Variants in NCKAP1 observed in about 807,000 individuals in gnomAD.
NCKAP1 encodes the protein nck-associated protein 1.
A neutral mutation model predicts 151.2 loss-of-function variants in NCKAP1; 21 were observed. That is an observed-to-expected ratio of 0.14 (90% CI 0.10 to 0.20). The LOEUF (loss-of-function observed/expected upper bound fraction) is 0.20. NCKAP1 is among the 10% of genes least tolerant of loss of function. The pLI is 1.00. For missense variants in NCKAP1, 933 were observed against 1,352.1 expected, an observed-to-expected ratio of 0.69 and a Z score of 4.86; for synonymous variants, 484 against 451.8, an observed-to-expected ratio of 1.07 and a Z score of -0.90.
intron 24 of NCKAP1, chr2:182,935,587 C>A (rs1696856748): frequency 8.2e-6 from 3 of 365,080 alleles, no homozygotes; most frequent in African/African-American, 4.3e-5. Flanking sequence ...ACTATAGTTT[C>A]CATCAAATGG....
At position 182,914,546 on chromosome 2, in the gene NCKAP1, A is replaced by C. The variant is rs1251507359; in HGVS notation, c.*11156T>G. ...ATACTCTAGTATGCAATTTATATGA[A>C]ACCCATTACCCACTATAACCATCTT... On this transcript the variant is annotated 3_prime_UTR_variant, in exon 31 of 31. Transcript: ENST00000361354. The C allele has an allele frequency of 1.3e-5, 2 of 152,198 alleles. No individual in the cohort carries two copies. The highest frequency in any genetic ancestry group is 2.9e-5 in the Non-Finnish European group (2 of 68,034). 9.4% of individuals were successfully genotyped at this position (152,198 alleles called of 1,614,324 possible). A position where few individuals can be genotyped will look rare whatever the true frequency, so the allele number is the denominator to read the frequency against.
At chr2:182,954,064 T>C (rs1697274550) in intron 20 of NCKAP1, among the ~76,000 whole-genome samples, 2 of 152,136 alleles carry the variant, frequency 1.3e-5, no homozygotes, top group Non-Finnish European at 2.9e-5. Context: ...TACAATGTAC[T>C]TATCACTATA....
intron 2 of NCKAP1, among the ~76,000 whole-genome samples, chr2:183,017,655 G>A (rs1282749741): frequency 6.6e-6 from 1 of 152,100 alleles, no homozygotes; most frequent in East Asian, 1.9e-4. Context: ...CTGTGGCCTG[G>A]GGGTTGGGGA....
At chr2:183,014,113 T>C (rs1698638515) in intron 2 of NCKAP1, among the ~76,000 whole-genome samples, 1 of 152,220 alleles carries the variant, frequency 6.6e-6, no homozygotes, top group Non-Finnish European at 1.5e-5. Context: ...CTGTTCAACA[T>C]AATATAAGCT....
chr2:182,962,929 G>T (rs1575033514), intron 17 of NCKAP1, among the ~76,000 whole-genome samples: 1 of 151,656 alleles, frequency 6.6e-6, no homozygotes, highest in Non-Finnish European at 1.5e-5. Flanking sequence ...ATGGTAACTG[G>T]AATGTTGAGT....
At chr2:182,926,054 T>C (rs1696637622) in intron 30 of NCKAP1, among the ~76,000 whole-genome samples, 1 of 152,056 alleles carries the variant, frequency 6.6e-6, no homozygotes, top group East Asian at 1.9e-4. Flanking sequence ...TTAAATTTAT[T>C]TAATCAACAG....
intron 24 of NCKAP1, among the ~76,000 whole-genome samples, chr2:182,941,325 C>T (rs1331906056): frequency 6.6e-6 from 1 of 152,054 alleles, no homozygotes; most frequent in Admixed American, 6.5e-5. Flanking sequence ...CACAATATAC[C>T]TCCCACAAAG....
intron 8 of NCKAP1, 97 bp from the exon 9 acceptor site, chr2:182,989,283 G>A (rs1312523732): frequency 1.5e-5 from 14 of 906,170 alleles, no homozygotes; most frequent in South Asian, 1.5e-4. Context: ...ACGTAACCAC[G>A]ATCACTAAAT....
At position 182,928,123 on chromosome 2, in the gene NCKAP1, A is replaced by G. The variant is rs1356210076; in HGVS notation, c.3174T>C (p.Phe1058=). 6.3e-7 allele frequency: 1 copy of G among 1,597,322 alleles called. No homozygotes were observed. Among genetic ancestry groups the G allele is most frequent in the Non-Finnish European group, 8.6e-7 (1 of 1,167,766 alleles). ...GTTATTTGATTATACATACCGCCAGAAATTCTTTAAGACGGTCTTCAATGC... is the reference window on the plus strand; with the variant it reads ...GTTATTTGATTATACATACCGCCAGGAATTCTTTAAGACGGTCTTCAATGC... ...KGSIEDRLKE[F]LALASSSLLK... Residue 1058 remains phenylalanine, a synonymous_variant, in exon 29 of 31, where the codon TTT becomes TTC. Coordinates refer to ENST00000361354, the MANE Select transcript of NCKAP1 (RefSeq NM_013436.5).
rs1398715189 is a variant in NCKAP1 at position 182,912,331 on chromosome 2, C to G, written c.*13371G>C. The G allele has an allele frequency of 6.6e-6, 1 of 152,174 alleles. No individual in the cohort carries two copies. The highest frequency in any genetic ancestry group is 6.5e-5 in the Admixed American group (1 of 15,280). 9.4% of individuals were successfully genotyped at this position (152,174 alleles called of 1,614,324 possible). ...CCAACTATAAACAGTTACCACAGTT[C>G]TGTTTTTGCCAGTGCCAAAAAGATT... On this transcript the variant is annotated 3_prime_UTR_variant, in exon 31 of 31. Coordinates refer to ENST00000361354, the MANE Select transcript of NCKAP1 (RefSeq NM_013436.5).
chr2:183,030,066 C>T (rs781501970), intron 1 of NCKAP1, among the ~76,000 whole-genome samples: 1 of 152,144 alleles, frequency 6.6e-6, no homozygotes, highest in Non-Finnish European at 1.5e-5. Context: ...GATTCCAAAA[C>T]ACTATCTAAA....
chr2:182,966,367 C>A (rs1440658029), intron 16 of NCKAP1, among the ~76,000 whole-genome samples: 1 of 151,744 alleles, frequency 6.6e-6, no homozygotes, highest in East Asian at 1.9e-4. Flanking sequence ...CTCACTGCAA[C>A]CTCCGCCTCC....
At chr2:183,001,132 T>G (rs1272362128) in intron 6 of NCKAP1, among the ~76,000 whole-genome samples, 3 of 152,156 alleles carry the variant, frequency 2.0e-5, no homozygotes, top group Admixed American at 6.5e-5. Flanking sequence ...AGGTAAATAG[T>G]TTAACTTTTA....
chr2:182,971,830 T>C (rs930515409), intron 15 of NCKAP1, among the ~76,000 whole-genome samples: 3 of 152,110 alleles, frequency 2.0e-5, no homozygotes, highest in Non-Finnish European at 2.9e-5. Context: ...GTCTCTTCAA[T>C]AAATTGTGCT....
intron 15 of NCKAP1, among the ~76,000 whole-genome samples, chr2:182,974,316 G>C (rs1697761541): frequency 6.7e-6 from 1 of 150,256 alleles, no homozygotes; most frequent in Non-Finnish European, 1.5e-5. Context: ...CTGAGTGACT[G>C]CATGTTCTAA....
chr2:182,952,016 T>C (rs1697226972), intron 23 of NCKAP1, among the ~76,000 whole-genome samples: 1 of 152,224 alleles, frequency 6.6e-6, no homozygotes, highest in Non-Finnish European at 1.5e-5. Flanking sequence ...CCAGTAATTT[T>C]TGTATTATAA....
intron 1 of NCKAP1, among the ~76,000 whole-genome samples, chr2:183,035,030 C>A (rs938008147): frequency 1.3e-5 from 2 of 152,028 alleles, no homozygotes; most frequent in Non-Finnish European, 2.9e-5. Context: ...ATGCTGGAAC[C>A]TTTAAAAATG....
intron 10 of NCKAP1, among the ~76,000 whole-genome samples, chr2:182,985,372 A>G (rs1245830791): frequency 6.6e-6 from 1 of 152,222 alleles, no homozygotes; most frequent in Non-Finnish European, 1.5e-5. Context: ...ACAAAGTGAA[A>G]TATCAAATTA....
intron 2 of NCKAP1, among the ~76,000 whole-genome samples, chr2:183,019,883 G>T (rs1439000756): frequency 1.3e-5 from 2 of 151,968 alleles, no homozygotes; most frequent in Non-Finnish European, 2.9e-5. Context: ...GTTACAACTG[G>T]TCACAAACAA....
Sources: allele counts gnomAD v4.1 joint callset (sites outside exome capture counted in the v4.1 genomes callset), GRCh38; gene constraint gnomAD v4.1.1; transcripts MANE v1.5; gene names NCBI Gene and HGNC (gene_info 2026-07-23, HGNC 2026-07-21).